The following KIAA1217 variants were observed in gnomAD, a reference collection of about 807,000 sequenced individuals.
KIAA1217 encodes KIAA1217, also known as sickle tail protein homolog.
A neutral mutation model predicts 163.9 loss-of-function variants in KIAA1217; 88 were observed. The observed-to-expected ratio is 0.54, with a 90% CI of 0.45 to 0.64. The LOEUF is 0.64. KIAA1217 is among the 30% of genes least tolerant of loss of function. The pLI, the probability that KIAA1217 is intolerant of heterozygous loss-of-function variation, is 0.00. For missense variants in KIAA1217, 2,372 were observed against 2,475.0 expected, an observed-to-expected ratio of 0.96 and a Z score of 0.88; for synonymous variants, 903 against 923.1, an observed-to-expected ratio of 0.98 and a Z score of 0.39.
intron 2 of KIAA1217, among the ~76,000 whole-genome samples, chr10:24,368,388 T>A (rs2051085551): frequency 6.6e-6 from 1 of 152,064 alleles, no homozygotes; most frequent in African/African-American, 2.4e-5. Flanking sequence ...GAGTTTGGGA[T>A]TCCCTCCCGC....
At chr10:24,190,515 C>T (rs920072296) in intron 2 of KIAA1217, among the ~76,000 whole-genome samples, 2 of 152,178 alleles carry the variant, frequency 1.3e-5, no homozygotes, top group African/African-American at 2.4e-5. Context: ...CCTAAATTCC[C>T]GTGGGCTTTA....
At chr10:24,052,152 G>C (rs1849562155) in intron 2 of KIAA1217, among the ~76,000 whole-genome samples, 1 of 152,054 alleles carries the variant, frequency 6.6e-6, no homozygotes, top group South Asian at 2.1e-4. Context: ...TATTGAGCAG[G>C]CAATGGTTGT....
At chr10:23,808,015 G>C (rs1287456089) in intron 1 of KIAA1217, among the ~76,000 whole-genome samples, 2 of 152,198 alleles carry the variant, frequency 1.3e-5, no homozygotes, top group African/African-American at 4.8e-5. Context: ...TGACAAACTT[G>C]CCATATCTCT....
At chr10:24,480,978 G>C (rs2064606710) in intron 6 of KIAA1217, among the ~76,000 whole-genome samples, 1 of 152,184 alleles carries the variant, frequency 6.6e-6, no homozygotes, top group Non-Finnish European at 1.5e-5. Flanking sequence ...AACTGCATCT[G>C]AGCTATAAGA....
At chr10:24,385,811 TC>T (rs1200976297) in intron 3 of KIAA1217, among the ~76,000 whole-genome samples, 5 of 152,288 alleles carry the variant, frequency 3.3e-5, no homozygotes, top group African/African-American at 1.2e-4. Flanking sequence ...AAAACCGCCT[TC>T]CAATAGAATT....
In KIAA1217 at chr10:24,369,973, G is replaced by T. The variant is rs186038858; in HGVS notation, c.355-10896G>T. On this transcript the variant is annotated intron_variant, in intron 2 of 20. Coordinates refer to ENST00000376454, the MANE Select transcript of KIAA1217 (RefSeq NM_019590.5). Reference sequence around the variant, plus strand: ...TATTCAAGGCAACTTGCAATAAAAAGACATCTACCTGGCCGGGCGCGGCGG... The same window carrying T: ...TATTCAAGGCAACTTGCAATAAAAATACATCTACCTGGCCGGGCGCGGCGG... Among the ~76,000 whole-genome samples the T allele has an allele frequency of 4.9e-4, 74 of 152,298 alleles. 1 individual carries two copies. The East Asian group carries it at 0.013, about 27-fold the overall frequency.
chr10:23,936,512 A>T (rs1212585124), intron 1 of KIAA1217, among the ~76,000 whole-genome samples: 1 of 152,166 alleles, frequency 6.6e-6, no homozygotes, highest in Non-Finnish European at 1.5e-5. Context: ...GTGTCTTTAT[A>T]AAAGGAAGCA....
At chr10:24,204,279 G>T (rs2067426905), upstream of KIAA1217, among the ~76,000 whole-genome samples, 1 of 152,110 alleles carries the variant, frequency 6.6e-6, no homozygotes, top group Non-Finnish European at 1.5e-5. Context: ...GGGAAGATTG[G>T]TTACCCTCTG....
chr10:24,147,093 T>G (rs1404603905), intron 2 of KIAA1217, among the ~76,000 whole-genome samples: 1 of 152,094 alleles, frequency 6.6e-6, no homozygotes, highest in Non-Finnish European at 1.5e-5. Context: ...CCCCAGGATT[T>G]GCAGTTTTAA....
At chr10:24,494,427 G>A (rs11812955) in intron 6 of KIAA1217, 73 bp from the exon 7 acceptor site, 3 of 1,236,442 alleles carry the variant, frequency 2.4e-6, no homozygotes, top group Non-Finnish European at 2.4e-6. Flanking sequence ...ATAACCCTCA[G>A]GTGGTGCATT....
intron 1 of KIAA1217, among the ~76,000 whole-genome samples, chr10:23,835,284 C>A (rs942990950): frequency 3.3e-5 from 5 of 152,028 alleles, no homozygotes; most frequent in Non-Finnish European, 4.4e-5. Flanking sequence ...GAAACCAGAC[C>A]AGATGCTAAT....
At chr10:23,850,644 A>G (rs1159888969) in intron 1 of KIAA1217, among the ~76,000 whole-genome samples, 1 of 152,136 alleles carries the variant, frequency 6.6e-6, no homozygotes, top group African/African-American at 2.4e-5. Context: ...ATTAATAAAT[A>G]AATTAACAAA....
rs375437667 is a variant in KIAA1217, at chr10:24,246,877, G to A, written c.354+26968G>A. 1.8e-4 allele frequency among the ~76,000 whole-genome samples: 28 copies of A among 152,126 alleles called. 3 individuals carry two copies. Among genetic ancestry groups the A allele is most frequent in the Admixed American group, 1.2e-3 (18 of 15,262 alleles). On this transcript the variant is annotated intron_variant, in intron 2 of 20. Transcript: ENST00000376454. ...AAAAATATAAAAATTAGCTGCACAC[G>A]GTGGTGCGCATCTGCAATTCCAGCT...
chr10:23,719,390 G>C (rs1194415376), intron 1 of KIAA1217, among the ~76,000 whole-genome samples: 1 of 152,060 alleles, frequency 6.6e-6, no homozygotes, highest in Admixed American at 6.6e-5. Context: ...AGACCAGCCT[G>C]GGCAACATAG....
intron 1 of KIAA1217, among the ~76,000 whole-genome samples, chr10:23,852,562 G>A (rs1839407685): frequency 1.3e-5 from 2 of 152,230 alleles, no homozygotes; most frequent in Admixed American, 1.3e-4. Context: ...AAAGCCATTG[G>A]TAGCTTGATG....
chr10:24,474,633 C>T (rs2063822129), intron 6 of KIAA1217, among the ~76,000 whole-genome samples: 1 of 152,116 alleles, frequency 6.6e-6, no homozygotes, highest in African/African-American at 2.4e-5. Context: ...AGGAGTGGTG[C>T]TGAAATCAGC....
At chr10:24,006,486 T>G (rs139822888) in intron 1 of KIAA1217, among the ~76,000 whole-genome samples, 23 of 152,322 alleles carry the variant, frequency 1.5e-4, no homozygotes, top group African/African-American at 5.1e-4. Context: ...AGTAAATCAC[T>G]ATAGTTTCCC....
At chr10:24,291,274 G>T (rs927246042) in intron 2 of KIAA1217, among the ~76,000 whole-genome samples, 1 of 152,092 alleles carries the variant, frequency 6.6e-6, no homozygotes, top group African/African-American at 2.4e-5. Flanking sequence ...CACGCCTGTA[G>T]TCCCAGCACT....
intron 2 of KIAA1217, among the ~76,000 whole-genome samples, chr10:24,254,382 G>T (rs1366629542): frequency 6.6e-6 from 1 of 152,230 alleles, no homozygotes; most frequent in East Asian, 1.9e-4. Flanking sequence ...GAGTGCCAGA[G>T]CCAGCTCGAA....
Sources: allele counts gnomAD v4.1 joint callset (sites outside exome capture counted in the v4.1 genomes callset), GRCh38; gene constraint gnomAD v4.1.1; transcripts MANE v1.5; gene names NCBI Gene and HGNC (gene_info 2026-07-23, HGNC 2026-07-21).